Variants in HIBADH observed in about 807,000 individuals in gnomAD.
HIBADH encodes 3-hydroxyisobutyrate dehydrogenase.
Under a neutral mutation model 36.1 loss-of-function variants are expected in HIBADH, and 25 were observed. The ratio of observed to expected loss-of-function variants is 0.69; its 90% CI spans 0.50 to 0.97. HIBADH has a LOEUF of 0.97. Among genes scored for constraint, HIBADH ranks in the 50% least tolerant of loss-of-function variants. HIBADH has a pLI of 0.00. For synonymous variants in HIBADH, 160 were observed against 149.5 expected (o/e 1.07, Z -0.51); for missense variants, 421 against 418.0 (o/e 1.01, Z -0.06).
chr7:27,648,874 C>G (rs761226557), intron 2 of HIBADH, among the ~76,000 whole-genome samples: 1 of 152,146 alleles, frequency 6.6e-6, no homozygotes, highest in Non-Finnish European at 1.5e-5. Context: ...TAGGCTGTCT[C>G]CTGGTTTATG....
chr7:27,589,330 C>T (rs562592500), intron 4 of HIBADH, among the ~76,000 whole-genome samples: 27 of 152,148 alleles, frequency 1.8e-4, no homozygotes, highest in East Asian at 5.8e-4. Flanking sequence ...AATCTTTATA[C>T]ATAAGTAGAA....
At chr7:27,633,068 G>A (rs545988286) in intron 2 of HIBADH, among the ~76,000 whole-genome samples, 31 of 152,266 alleles carry the variant, frequency 2.0e-4, no homozygotes, top group Non-Finnish European at 3.5e-4. Flanking sequence ...ATGAGCTACC[G>A]AAACTTACGT....
At chr7:27,549,751 T>A (rs796829402) in intron 4 of HIBADH, among the ~76,000 whole-genome samples, 4 of 152,286 alleles carry the variant, frequency 2.6e-5, no homozygotes, top group Middle Eastern at 6.8e-3. Context: ...AAGTAAAACT[T>A]ACATCACCTC....
At position 27,662,799 on chromosome 7, in the gene HIBADH, C is replaced by T; in HGVS notation, c.-11G>A. 6.8e-7 allele frequency: 1 copy of T among 1,470,140 alleles called. No homozygotes were observed. Among genetic ancestry groups the T allele is most frequent in the Non-Finnish European group, 9.0e-7 (1 of 1,108,664 alleles). The allele number at this position is 1,470,140 out of a possible 1,614,324, so 91.1% of individuals were successfully genotyped here. The stretch of plus-strand genomic sequence containing the variant: ...TAAGGAGGCTGCCATGCTGCGCCCG[C>T]CCCTCTCCCCGCGGTGACCTCCGCC... On this transcript the variant is annotated 5_prime_UTR_variant, in exon 1 of 8. Transcript: ENST00000265395.
chr7:27,622,150 C>T (rs1364808284), intron 4 of HIBADH, among the ~76,000 whole-genome samples: 1 of 152,136 alleles, frequency 6.6e-6, no homozygotes, highest in African/African-American at 2.4e-5. Flanking sequence ...GAGCCTGAGG[C>T]TGGAGGACCC....
At chr7:27,585,256 C>A (rs968271741) in intron 4 of HIBADH, among the ~76,000 whole-genome samples, 1 of 115,992 alleles carries the variant, frequency 8.6e-6, no homozygotes, top group Non-Finnish European at 1.7e-5. Context: ...CATATATACA[C>A]ACGTGTGTAT....
chr7:27,628,725 T>G (rs1785691410), intron 4 of HIBADH, among the ~76,000 whole-genome samples: 1 of 152,108 alleles, frequency 6.6e-6, no homozygotes, highest in Non-Finnish European at 1.5e-5. Context: ...GTTATAGTGT[T>G]TAATCTCATT....
intron 4 of HIBADH, among the ~76,000 whole-genome samples, chr7:27,616,471 G>A (rs780413476): frequency 2.6e-5 from 4 of 151,956 alleles, no homozygotes; most frequent in Non-Finnish European, 5.9e-5. Context: ...TTTTTTGTTT[G>A]TTTGTTTTTT....
At chr7:27,633,913 T>C (rs560157899) in intron 2 of HIBADH, among the ~76,000 whole-genome samples, 45 of 152,318 alleles carry the variant, frequency 3.0e-4, no homozygotes, top group African/African-American at 9.9e-4. Context: ...CTGCTTTTCA[T>C]GTGGCAGAAG....
intron 4 of HIBADH, among the ~76,000 whole-genome samples, chr7:27,591,300 C>T (rs1784935876): frequency 1.3e-5 from 2 of 152,146 alleles, no homozygotes; most frequent in Non-Finnish European, 2.9e-5. Context: ...GCCTGTAATC[C>T]CAGCACTTTG....
chr7:27,561,657 A>T (rs1236746293), intron 4 of HIBADH, among the ~76,000 whole-genome samples: 2 of 152,154 alleles, frequency 1.3e-5, no homozygotes, highest in Non-Finnish European at 2.9e-5. Flanking sequence ...CTATATATTT[A>T]CCAATATTTT....
intron 2 of HIBADH, among the ~76,000 whole-genome samples, chr7:27,636,990 C>A (rs1785851671): frequency 6.6e-6 from 1 of 152,176 alleles, no homozygotes; most frequent in Admixed American, 6.5e-5. Context: ...GAAAATACAT[C>A]TATTATTCTC....
chr7:27,598,057 G>A (rs1785060145), intron 4 of HIBADH, among the ~76,000 whole-genome samples: 1 of 152,166 alleles, frequency 6.6e-6, no homozygotes, highest in Non-Finnish European at 1.5e-5. Flanking sequence ...AAGTTTATTT[G>A]TTGGGAGAAT....
intron 2 of HIBADH, among the ~76,000 whole-genome samples, chr7:27,645,355 T>C (rs1221932379): frequency 1.4e-5 from 2 of 142,318 alleles, no homozygotes; most frequent in Non-Finnish European, 3.0e-5. Context: ...AGTGGGTGTG[T>C]CTCATGGTTT....
chr7:27,639,701 T>C (rs1326061163), intron 2 of HIBADH, among the ~76,000 whole-genome samples: 3 of 152,000 alleles, frequency 2.0e-5, no homozygotes, highest in African/African-American at 7.2e-5. Flanking sequence ...AATGCTTATA[T>C]AATAAAAACT....
At chr7:27,596,381 GAATT>G (rs1361202028) in intron 4 of HIBADH, among the ~76,000 whole-genome samples, 7 of 152,206 alleles carry the variant, frequency 4.6e-5, no homozygotes, top group African/African-American at 1.4e-4. Context: ...GTTGCACTGG[GAATT>G]AAGTTTCTAA....
At chr7:27,653,517 C>T (rs991378221) in intron 1 of HIBADH, among the ~76,000 whole-genome samples, 5 of 151,950 alleles carry the variant, frequency 3.3e-5, no homozygotes, top group Non-Finnish European at 5.9e-5. Context: ...GGGCGGATCA[C>T]GAGGTCAGGA....
intron 6 of HIBADH, among the ~76,000 whole-genome samples, chr7:27,536,880 A>G (rs1784078003): frequency 6.6e-6 from 1 of 152,220 alleles, no homozygotes; most frequent in Admixed American, 6.5e-5. Flanking sequence ...ACCTAGGTTC[A>G]TCCAGCCTTT....
At chr7:27,629,258 A>G in intron 4 of HIBADH, 113 bp downstream of exon 4, 1 of 1,018,210 alleles carries the variant, frequency 9.8e-7, no homozygotes, top group Non-Finnish European at 1.4e-6. Flanking sequence ...TTTAATGAGA[A>G]TCCTGTAACA....
Sources: gnomAD v4.1 joint callset for allele counts (sites outside exome capture counted in the v4.1 genomes callset) on GRCh38, gnomAD v4.1.1 for gene constraint, MANE v1.5 for transcripts, NCBI Gene and HGNC (gene_info 2026-07-23, HGNC 2026-07-21) for gene names.